The following KDM4A variants were observed in gnomAD, a reference collection of about 807,000 sequenced individuals.
The protein encoded by KDM4A is lysine-specific demethylase 4A.
In KDM4A, 23 loss-of-function variants were observed where a neutral mutation model predicts 127.1. That is an observed-to-expected ratio of 0.18 (90% CI 0.13 to 0.26). KDM4A has a LOEUF of 0.26. Among genes scored for constraint, KDM4A ranks in the 10% least tolerant of loss-of-function variants. The probability of loss-of-function intolerance (pLI) is 1.00; values close to 1 mark genes in which losing one functional copy is unlikely to be tolerated. For missense variants in KDM4A, 890 were observed against 1,329.1 expected (o/e 0.67, Z 5.14); for synonymous variants, 443 against 466.5 (o/e 0.95, Z 0.65).
rs528672078 is a variant in KDM4A at position 43,704,888 on chromosome 1, T to G, written c.*518T>G. ...ATGCAGGGCAAACAAAATGTGAAATTCTGCCCTCAGCTGAGCTGAGTAAGG... is the reference window on the plus strand; with the variant it reads ...ATGCAGGGCAAACAAAATGTGAAATGCTGCCCTCAGCTGAGCTGAGTAAGG... On this transcript the variant is annotated 3_prime_UTR_variant, in exon 22 of 22. Transcript: ENST00000372396. 6.3e-6 allele frequency: 1 copy of G among 157,882 alleles called. No homozygotes were observed. Among genetic ancestry groups the G allele is most frequent in the African/African-American group, 2.4e-5 (1 of 41,616 alleles). 9.8% of individuals were successfully genotyped at this position (157,882 alleles called of 1,614,324 possible).
chr1:43,662,536 G>A (rs908783072), intron 4 of KDM4A, among the ~76,000 whole-genome samples: 2 of 152,186 alleles, frequency 1.3e-5, no homozygotes, highest in Non-Finnish European at 2.9e-5. Flanking sequence ...GAGCCCGGGA[G>A]GCGGAGGTTG....
chr1:43,661,976 C>T (rs1394482565), intron 4 of KDM4A, among the ~76,000 whole-genome samples: 1 of 152,138 alleles, frequency 6.6e-6, no homozygotes, highest in Non-Finnish European at 1.5e-5. Flanking sequence ...ATTACTGTAA[C>T]CTCAAACACC....
intron 2 of KDM4A, among the ~76,000 whole-genome samples, chr1:43,655,121 A>T (rs920657823): frequency 2.6e-5 from 4 of 152,140 alleles, no homozygotes; most frequent in Non-Finnish European, 5.9e-5. Context: ...AAGTGCTGGG[A>T]TTACCGGCAT....
At chr1:43,658,497 G>A (rs963957702) in intron 3 of KDM4A, among the ~76,000 whole-genome samples, 3 of 143,774 alleles carry the variant, frequency 2.1e-5, no homozygotes, top group African/African-American at 8.2e-5. Context: ...CAGTTACTTA[G>A]TCAGATTTTT....
At chr1:43,703,397 T>G (rs572109224) in intron 19 of KDM4A, 5 of 348,010 alleles carry the variant, frequency 1.4e-5, no homozygotes, top group African/African-American at 6.3e-5. Flanking sequence ...TAGCTGGATT[T>G]TTTTTTTTTT....
At chr1:43,663,165 C>A (rs1660423496) in intron 5 of KDM4A, 78 bp downstream of exon 5, 3 of 1,320,414 alleles carry the variant, frequency 2.3e-6, no homozygotes, top group African/African-American at 1.5e-5. Context: ...GGAAGCACCT[C>A]AGGATTGTGT....
intron 11 of KDM4A, among the ~76,000 whole-genome samples, chr1:43,678,991 C>T (rs1660801101): frequency 6.6e-6 from 1 of 152,136 alleles, no homozygotes; most frequent in Admixed American, 6.5e-5. Flanking sequence ...CTTTGTTGGG[C>T]CACTGTCACC....
At chr1:43,662,553 G>A (rs922575508) in intron 4 of KDM4A, among the ~76,000 whole-genome samples, 4 of 152,224 alleles carry the variant, frequency 2.6e-5, no homozygotes, top group Admixed American at 2.6e-4. Flanking sequence ...GTTGCAGTGA[G>A]CCAAGATCAT....
chr1:43,691,790 A>G (rs561646049), intron 15 of KDM4A, among the ~76,000 whole-genome samples: 1 of 152,298 alleles, frequency 6.6e-6, no homozygotes, highest in Admixed American at 6.5e-5. Context: ...CATTGTGGAA[A>G]GACCAACTAG....
intron 4 of KDM4A, among the ~76,000 whole-genome samples, chr1:43,662,072 T>C (rs1660395502): frequency 6.6e-6 from 1 of 152,146 alleles, no homozygotes; most frequent in Middle Eastern, 3.4e-3. Flanking sequence ...TTTTTTAATT[T>C]GTAATTTTTT....
In KDM4A at chr1:43,694,062, C is replaced by T. The variant is rs1391422317; in HGVS notation, c.2444C>T (p.Pro815Leu). 4.3e-6 allele frequency: 7 copies of T among 1,614,186 alleles called. No homozygotes were observed. Among genetic ancestry groups the T allele is most frequent in the East Asian group, 2.2e-5 (1 of 44,882 alleles). Residue 815 changes from proline (P) to leucine (L), a missense_variant, in exon 17 of 22, where the codon CCG (proline) becomes CTG (leucine). Coordinates refer to ENST00000372396, the MANE Select transcript of KDM4A (RefSeq NM_014663.3). This position sits in a 1 kb window ranked among gnomAD's most constrained non-coding sequence, Gnocchi z 5.2. Reference protein sequence around the residue: ...ARFVNIAERSPVDVSKIPLPR... With the variant: ...ARFVNIAERSLVDVSKIPLPR... ...TTTGTCAACATTGCAGAAAGAAGTCCGGTGGATGTGAGCAAAATCCCCCTG... is the reference window on the plus strand; with the variant it reads ...TTTGTCAACATTGCAGAAAGAAGTCTGGTGGATGTGAGCAAAATCCCCCTG...
intron 18 of KDM4A, 110 bp from the exon 19 acceptor site, chr1:43,697,733 T>C (rs963367106): frequency 8.0e-5 from 86 of 1,077,092 alleles, no homozygotes; most frequent in African/African-American, 3.8e-4. Flanking sequence ...TTACTTTTAC[T>C]TTCCCATGCT....
chr1:43,690,780 G>GC (rs1313304224), intron 13 of KDM4A, 65 bp from the exon 14 acceptor site: 48 of 1,421,690 alleles, frequency 3.4e-5, no homozygotes, highest in Non-Finnish European at 4.0e-6. Context: ...TGCTGATAGA[G>GC]CAGGTGGAAA....
chr1:43,657,124 G>A (rs1299012727), intron 3 of KDM4A, among the ~76,000 whole-genome samples: 2 of 152,118 alleles, frequency 1.3e-5, no homozygotes, highest in Non-Finnish European at 2.9e-5. Flanking sequence ...CTGGGCTCAA[G>A]CGATCCTCCT....
Position 43,660,281 on chromosome 1 carries a change from T to C in KDM4A, c.315-17T>C. The C allele has an allele frequency of 2.6e-6, 4 of 1,568,496 alleles. No individual in the cohort carries two copies. In the South Asian group the frequency reaches 3.3e-5, roughly 13 times the overall value. Reference sequence around the variant, plus strand: ...CCCCTGTAAGTGGTTTACATGTTTCTTTTTACTTTCAAAAAGGTACTGTAC... The same window carrying C: ...CCCCTGTAAGTGGTTTACATGTTTCCTTTTACTTTCAAAAAGGTACTGTAC... On this transcript the variant is annotated splice_polypyrimidine_tract_variant and intron_variant, in intron 3 of 21. Coordinates refer to ENST00000372396, the MANE Select transcript of KDM4A (RefSeq NM_014663.3).
intron 12 of KDM4A, among the ~76,000 whole-genome samples, chr1:43,686,135 CT>C (rs940767661): frequency 1.4e-5 from 2 of 143,500 alleles, no homozygotes; most frequent in African/African-American, 5.1e-5. Context: ...TCTCCCCCTA[CT>C]TTTTTTTGTT....
intron 3 of KDM4A, 67 bp downstream of exon 3, chr1:43,655,833 T>C: frequency 1.3e-5 from 17 of 1,337,284 alleles, no homozygotes; most frequent in Non-Finnish European, 1.8e-5. Context: ...TCCTAGCATC[T>C]CCAGGACTGC....
intron 19 of KDM4A, among the ~76,000 whole-genome samples, chr1:43,701,068 G>A (rs943521065): frequency 2.0e-5 from 3 of 151,926 alleles, no homozygotes; most frequent in African/African-American, 4.8e-5. Context: ...GACTACAGGT[G>A]CACGCCACCA....
intron 10 of KDM4A, among the ~76,000 whole-genome samples, chr1:43,671,071 C>T (rs1007887081): frequency 6.6e-4 from 100 of 152,184 alleles, no homozygotes; most frequent in Non-Finnish European, 1.3e-4. Flanking sequence ...AATACATATT[C>T]ACATAGTGGT....
Sources: allele counts gnomAD v4.1 joint callset (sites outside exome capture counted in the v4.1 genomes callset), GRCh38; gene constraint gnomAD v4.1.1; non-coding constraint Gnocchi (gnomAD v3.1); transcripts MANE v1.5; gene names NCBI Gene and HGNC (gene_info 2026-07-23, HGNC 2026-07-21).